The following ZNF404 variants were observed in gnomAD, a reference collection of about 807,000 sequenced individuals.
ZNF404 encodes the protein zinc finger protein 404.
A neutral mutation model predicts 7.3 loss-of-function variants in ZNF404; 7 were observed. The observed-to-expected ratio is 0.95, with a 90% CI of 0.54 to 1.79. ZNF404 has a LOEUF of 1.79. ZNF404 is among the 40% of genes most tolerant of loss of function. The pLI, the probability that ZNF404 is intolerant of heterozygous loss-of-function variation, is 0.00. For missense variants in ZNF404, 560 were observed against 661.5 expected (o/e 0.85, Z 1.68); for synonymous variants, 191 against 209.9 (o/e 0.91, Z 0.78).
rs755724163 is a variant in ZNF404, at chr19:43,874,021, C to T, written c.193G>A (p.Val65Ile). ...CATGTCTCCTGATGGTACGCATTTA[C>T]TTCATAATTTCTTTTTTCTGAAGAT... Reference protein sequence around the residue: ...KLSSEKRNYEVNAYHQETWKR... With the variant: ...KLSSEKRNYEINAYHQETWKR... The change falls in exon 3 of 3, where the codon GTA becomes ATA. Residue 65 changes from valine (V) to isoleucine (I), a missense_variant. By Grantham distance (29) the Val-to-Ile change is conservative. Coordinates refer to ENST00000587539, the MANE Select transcript of ZNF404 (RefSeq NM_001033719.3). The T allele has an allele frequency of 4.4e-6, 7 of 1,587,032 alleles. No homozygotes were observed. Among genetic ancestry groups the T allele is most frequent in the Non-Finnish European group, 6.0e-6 (7 of 1,173,172 alleles).
In ZNF404 at chr19:43,873,421, G is replaced by T; in HGVS notation, c.793C>A (p.His265Asn). The change falls in exon 3 of 3, where the codon CAT becomes AAT. Residue 265 changes from histidine (H) to asparagine (N), a missense_variant. By Grantham distance (68) the His-to-Asn change is moderately conservative. Coordinates refer to ENST00000587539, the MANE Select transcript of ZNF404 (RefSeq NM_001033719.3). ...YRHMCLHQKI[H>N]HGVKPYKCKE... The stretch of plus-strand genomic sequence containing the variant: ...CATTTGTAGGGTTTCACACCATGAT[G>T]AATTTTCTGATGCAGACACATATGT... 2 of 1,613,520 alleles carry T rather than the reference G, an allele frequency of 1.2e-6. No homozygotes were observed. Among genetic ancestry groups the T allele is most frequent in the East Asian group, 2.2e-5 (1 of 44,862 alleles).
intron 2 of ZNF404, among the ~76,000 whole-genome samples, chr19:43,879,185 A>C (rs562120546): frequency 1.7e-4 from 26 of 152,348 alleles, no homozygotes; most frequent in Non-Finnish European, 3.4e-4. Context: ...TGAAGATTTC[A>C]ACAAGTATTT....
At chr19:43,879,629 G>T (rs934602871) in intron 2 of ZNF404, among the ~76,000 whole-genome samples, 2 of 152,186 alleles carry the variant, frequency 1.3e-5, no homozygotes, top group Non-Finnish European at 2.9e-5. Context: ...GAAAACCATG[G>T]TTTTTTATGT....
intron 2 of ZNF404, among the ~76,000 whole-genome samples, chr19:43,878,761 G>C (rs1280249905): frequency 2.0e-5 from 3 of 152,172 alleles, no homozygotes; most frequent in Admixed American, 2.0e-4. Flanking sequence ...AAAACTCCCT[G>C]ATTCTAAGTA....
intron 2 of ZNF404, among the ~76,000 whole-genome samples, chr19:43,878,705 G>C (rs566581501): frequency 6.6e-6 from 1 of 152,324 alleles, no homozygotes; most frequent in South Asian, 2.1e-4. Context: ...CACCAGCCAG[G>C]AGTGGTAAGT....
At chr19:43,880,529 C>A (rs2072906480) in intron 1 of ZNF404, among the ~76,000 whole-genome samples, 1 of 152,008 alleles carries the variant, frequency 6.6e-6, no homozygotes, top group Non-Finnish European at 1.5e-5. Flanking sequence ...GATAACTACC[C>A]CCTCCCCCAA....
At chr19:43,883,630 A>G (rs574887451) in intron 1 of ZNF404, among the ~76,000 whole-genome samples, 26 of 152,330 alleles carry the variant, frequency 1.7e-4, no homozygotes, top group African/African-American at 5.5e-4. Flanking sequence ...AAATAGGACC[A>G]TTGTTCCTAT....
At position 43,872,958 on chromosome 19, in the gene ZNF404, G is replaced by T. The variant is rs1278988181; in HGVS notation, c.1256C>A (p.Ala419Asp). The T allele has an allele frequency of 6.2e-7, 1 of 1,606,068 alleles. No homozygotes were observed. Among genetic ancestry groups the T allele is most frequent in the East Asian group, 2.2e-5 (1 of 44,718 alleles). Residue 419 changes from alanine (A) to aspartate (D), a missense_variant, in exon 3 of 3, where the codon GCC (alanine) becomes GAC (aspartate). Transcript: ENST00000587539. This position sits in a 1 kb window ranked among gnomAD's most constrained non-coding sequence, Gnocchi z 4.4. ...KPYECKQCGK[A>D]FSRVGDLKTH... ...CTTAAGGTCTCCAACACGACTGAAG[G>T]CTTTCCCACATTGCTTACATTCATA...
intron 1 of ZNF404, among the ~76,000 whole-genome samples, chr19:43,883,666 G>A (rs1209499745): frequency 6.6e-6 from 1 of 152,026 alleles, no homozygotes; most frequent in Non-Finnish European, 1.5e-5. Context: ...ACCTGACAAC[G>A]GCAGCTCAAC....
chr19:43,874,147 T>C, intron 2 of ZNF404, 70 bp from the exon 3 acceptor site: 2 of 1,057,238 alleles, frequency 1.9e-6, no homozygotes, highest in Non-Finnish European at 2.6e-6. Flanking sequence ...ACATCTATAT[T>C]AAAAATAGTG....
At position 43,872,401 on chromosome 19, in the gene ZNF404, AT is replaced by A. The variant is rs1484316643; in HGVS notation, c.*153del. The A allele has an allele frequency of 1.8e-6, 1 of 541,536 alleles. No homozygotes were observed. The highest frequency in any genetic ancestry group is 1.9e-5 in the African/African-American group (1 of 51,488). 33.5% of individuals were successfully genotyped at this position (541,536 alleles called of 1,614,324 possible). On this transcript the variant is annotated 3_prime_UTR_variant, in exon 3 of 3. Transcript: ENST00000587539. This position sits in a 1 kb window ranked among gnomAD's most constrained non-coding sequence, Gnocchi z 4.4. ...AGATTTATTTTTAGTAATTCTAACA[AT>A]TATCATAAAAATAATGTATTTAGTA...
In ZNF404 at chr19:43,880,109, T is replaced by C. The variant is rs1397255177; in HGVS notation, c.37A>G (p.Ile13Val). 1 of 1,613,354 alleles carries C rather than the reference T, an allele frequency of 6.2e-7. No individual in the cohort carries two copies. Among genetic ancestry groups the C allele is most frequent in the East Asian group, 2.2e-5 (1 of 44,846 alleles). The change falls in exon 2 of 3, where the codon ATA becomes GTA. Residue 13 changes from isoleucine to valine, a missense_variant. Transcript: ENST00000587539. ...TCCCACTCCTCCTGAGAGAAGTCTA[T>C]GGCAACATCGCTGAATGTCAATGGC... ...RVPLTFSDVA[I>V]DFSQEEWEYL...
rs1971853378 is a variant in ZNF404, at chr19:43,876,876, T to C, written c.137-2799A>G. Among the ~76,000 whole-genome samples, 4 of 152,278 alleles carry C rather than the reference T, an allele frequency of 2.6e-5. No individual in the cohort carries two copies. The South Asian group carries it at 8.3e-4, about 32-fold the overall frequency. ...CAACAAACCCAAATTGTCCGGCACT[T>C]TTCAAAATACCTGACTAGTACTCTT... On this transcript the variant is annotated intron_variant, in intron 2 of 2. Coordinates refer to ENST00000587539, the MANE Select transcript of ZNF404 (RefSeq NM_001033719.3).
intron 1 of ZNF404, among the ~76,000 whole-genome samples, chr19:43,880,760 G>A (rs1393945881): frequency 6.6e-6 from 1 of 152,190 alleles, no homozygotes; most frequent in African/African-American, 2.4e-5. Flanking sequence ...GGCACAGGGA[G>A]CGGGAACCTA....
rs755492408 is a variant in ZNF404 at position 43,873,176 on chromosome 19, C to G, written c.1038G>C (p.Lys346Asn). ...AGAGTTTCTCACTACTATGAATTCT[C>G]TTATGTTTAAGAAGGCTTGAGCCCT... ...FGKGSSLLKH[K>N]RIHSSEKLYD... The change falls in exon 3 of 3, where the codon AAG becomes AAC. Residue 346 changes from lysine (K) to asparagine (N), a missense_variant. Coordinates refer to ENST00000587539, the MANE Select transcript of ZNF404 (RefSeq NM_001033719.3). The G allele has an allele frequency of 5.6e-6, 9 of 1,612,594 alleles. No individual in the cohort carries two copies. Among genetic ancestry groups the G allele is most frequent in the Non-Finnish European group, 7.6e-6 (9 of 1,178,784 alleles).
At chr19:43,883,527 T>C (rs191537665) in intron 1 of ZNF404, among the ~76,000 whole-genome samples, 1 of 152,286 alleles carries the variant, frequency 6.6e-6, no homozygotes, top group East Asian at 1.9e-4. Flanking sequence ...TGAGATCTCA[T>C]CTCAAACAGA....
At chr19:43,882,641 A>C (rs1458518775) in intron 1 of ZNF404, among the ~76,000 whole-genome samples, 2 of 152,028 alleles carry the variant, frequency 1.3e-5, no homozygotes, top group Non-Finnish European at 2.9e-5. Flanking sequence ...AGAATGAAAA[A>C]ATGGCCAAGT....
intron 2 of ZNF404, among the ~76,000 whole-genome samples, chr19:43,878,353 A>G (rs1050457166): frequency 5.9e-5 from 9 of 152,014 alleles, no homozygotes; most frequent in African/African-American, 2.2e-4. Flanking sequence ...GCATTTTTTC[A>G]TGTGGTTTTG....
At chr19:43,875,865 A>T (rs898552892) in intron 2 of ZNF404, among the ~76,000 whole-genome samples, 1 of 152,152 alleles carries the variant, frequency 6.6e-6, no homozygotes, top group African/African-American at 2.4e-5. Flanking sequence ...CAAAATACAA[A>T]CTGAAACTGT....
Sources: gnomAD v4.1 joint callset for allele counts (sites outside exome capture counted in the v4.1 genomes callset) on GRCh38, gnomAD v4.1.1 for gene constraint, Gnocchi (gnomAD v3.1) non-coding constraint, MANE v1.5 for transcripts, NCBI Gene and HGNC (gene_info 2026-07-23, HGNC 2026-07-21) for gene names.